Variants in ANKS1A observed in about 807,000 individuals in gnomAD.
ANKS1A encodes ankyrin repeat and sterile alpha motif domain containing 1A, also known as ankyrin repeat and SAM domain-containing protein 1A.
In ANKS1A, 55 loss-of-function variants were observed where a neutral mutation model predicts 120.3. The ratio of observed to expected loss-of-function variants is 0.46; its 90% confidence interval spans 0.37 to 0.57. The LOEUF is 0.57. ANKS1A is among the 20% of genes least tolerant of loss of function. The probability of loss-of-function intolerance (pLI) is 0.00; values close to 1 mark genes in which losing one functional copy is unlikely to be tolerated. For synonymous variants in ANKS1A, 590 were observed against 604.7 expected, an observed-to-expected ratio of 0.98 and a Z score of 0.36; for missense variants, 1,123 against 1,480.3, an observed-to-expected ratio of 0.76 and a Z score of 3.96.
chr6:35,023,067 G>A (rs1774426211), intron 11 of ANKS1A, among the ~76,000 whole-genome samples: 1 of 152,098 alleles, frequency 6.6e-6, no homozygotes. Context: ...GCATTAATAG[G>A]CCAAGGGGTT....
At chr6:35,073,752 G>A (rs536200073) in intron 13 of ANKS1A, among the ~76,000 whole-genome samples, 1 of 152,326 alleles carries the variant, frequency 6.6e-6, no homozygotes, top group East Asian at 1.9e-4. Flanking sequence ...AGCAGATAAA[G>A]TAGAAAATCT....
intron 10 of ANKS1A, among the ~76,000 whole-genome samples, chr6:35,001,006 T>C (rs554790208): frequency 6.6e-6 from 1 of 152,312 alleles, no homozygotes; most frequent in Non-Finnish European, 1.5e-5. Context: ...ACCTGCTCTT[T>C]AACAAAAATT....
chr6:34,909,609 G>A (rs1767811940), intron 1 of ANKS1A, among the ~76,000 whole-genome samples: 1 of 152,222 alleles, frequency 6.6e-6, no homozygotes, highest in Admixed American at 6.5e-5. Flanking sequence ...AAGATCACGT[G>A]CTGGCCAACG....
In ANKS1A at chr6:35,018,071, A is replaced by C; in HGVS notation, c.2010+12A>C. ...CGGAGTGGGATGAGGTAAGGCCGAC[A>C]TGACGTCACAGGGAGCTGGGCTGGC... On this transcript the variant is annotated intron_variant, in intron 11 of 23. Transcript: ENST00000360359. 6.2e-7 allele frequency: 1 copy of C among 1,609,682 alleles called. No homozygotes were observed.
At chr6:34,999,224 T>C (rs1035420688) in intron 10 of ANKS1A, among the ~76,000 whole-genome samples, 2 of 152,200 alleles carry the variant, frequency 1.3e-5, no homozygotes, top group Non-Finnish European at 2.9e-5. Flanking sequence ...CTTGACAGGG[T>C]TGGTCTTGGG....
intron 9 of ANKS1A, among the ~76,000 whole-genome samples, chr6:34,993,527 C>T (rs1423543783): frequency 6.6e-6 from 1 of 152,218 alleles, no homozygotes; most frequent in East Asian, 1.9e-4. Context: ...CCACTTGACT[C>T]TTCAGAGCAG....
chr6:35,004,451 C>A (rs998289752), intron 10 of ANKS1A, among the ~76,000 whole-genome samples: 1 of 151,580 alleles, frequency 6.6e-6, no homozygotes, highest in Non-Finnish European at 1.5e-5. Context: ...AGCAAGACCC[C>A]CATCTCTAAA....
chr6:34,911,209 T>C (rs1280779626), intron 1 of ANKS1A, among the ~76,000 whole-genome samples: 1 of 152,224 alleles, frequency 6.6e-6, no homozygotes, highest in African/African-American at 2.4e-5. Flanking sequence ...AGCAAAGACC[T>C]GTGAACCTCT....
rs368329427 is a variant in ANKS1A at position 35,006,617 on chromosome 6, T to C, written c.1424-10856T>C. 2.0e-5 allele frequency among the ~76,000 whole-genome samples: 3 copies of C among 151,840 alleles called. No homozygotes were observed. The East Asian group carries it at 5.8e-4, about 30-fold the overall frequency. ...AAAATACAAAAAATTTAGCTGGGCATGGTAATGGGCACCTGTAGTCCCAGC... is the reference window on the plus strand; with the variant it reads ...AAAATACAAAAAATTTAGCTGGGCACGGTAATGGGCACCTGTAGTCCCAGC... On this transcript the variant is annotated intron_variant, in intron 10 of 23. Transcript: ENST00000360359.
In ANKS1A at chr6:34,967,755, C is replaced by G. The variant is rs189864494; in HGVS notation, c.278+436C>G. Among the ~76,000 whole-genome samples the G allele has an allele frequency of 7.2e-5, 11 of 152,094 alleles. No homozygotes were observed. In the East Asian group the frequency reaches 1.6e-3, roughly 21 times the overall value. On this transcript the variant is annotated intron_variant, in intron 2 of 23. Transcript: ENST00000360359. ...GGTGGCACTGAGAAACAGAGAAAAA[C>G]AAACGTAAGTTCAGTTCATTCAGCA... is the stretch of plus-strand genomic sequence containing the variant.
intron 1 of ANKS1A, among the ~76,000 whole-genome samples, chr6:34,901,218 G>GTT (rs74555280): frequency 2.1e-5 from 3 of 140,268 alleles, no homozygotes; most frequent in African/African-American, 2.6e-5. Flanking sequence ...TTCCAACTCT[G>GTT]TTTTTTTTTT....
intron 1 of ANKS1A, among the ~76,000 whole-genome samples, chr6:34,947,732 G>A (rs1045934708): frequency 1.3e-5 from 2 of 152,146 alleles, no homozygotes; most frequent in Admixed American, 6.5e-5. Flanking sequence ...GTCAAGTCTC[G>A]TACTCCTCAG....
At chr6:34,895,725 G>T (rs9394253) in intron 1 of ANKS1A, among the ~76,000 whole-genome samples, 12,096 of 150,696 alleles carry the variant, frequency 0.08, 684 homozygotes, top group East Asian at 0.34. Flanking sequence ...CAGTTTTCTG[G>T]GTCTTCCACT....
At chr6:34,898,392 T>C (rs916282796) in intron 1 of ANKS1A, among the ~76,000 whole-genome samples, 43 of 152,072 alleles carry the variant, frequency 2.8e-4, no homozygotes, top group African/African-American at 9.7e-4. Flanking sequence ...GTATATTGAG[T>C]CCCTAGTGGG....
At chr6:34,983,085 C>T in intron 5 of ANKS1A, 28 bp from the exon 6 acceptor site, 1 of 1,603,972 alleles carries the variant, frequency 6.2e-7, no homozygotes, top group Non-Finnish European at 8.5e-7. Context: ...ATGCTCACTC[C>T]CCTGGTCCAC....
chr6:34,965,108 C>T (rs1479575113), intron 1 of ANKS1A, among the ~76,000 whole-genome samples: 1 of 152,140 alleles, frequency 6.6e-6, no homozygotes, highest in Non-Finnish European at 1.5e-5. Flanking sequence ...TTTTCTGTCA[C>T]TTCAGGGAAC....
chr6:34,944,746 A>G (rs1179863781), intron 1 of ANKS1A, among the ~76,000 whole-genome samples: 1 of 152,216 alleles, frequency 6.6e-6, no homozygotes, highest in Non-Finnish European at 1.5e-5. Flanking sequence ...GTTTCGTTGA[A>G]AAAAATCTGC....
chr6:35,018,898 A>G (rs533894551), intron 11 of ANKS1A, among the ~76,000 whole-genome samples: 5 of 152,240 alleles, frequency 3.3e-5, no homozygotes, highest in African/African-American at 1.2e-4. Context: ...AGGCTTTTCT[A>G]TTCCCTGCTT....
chr6:34,938,966 C>CAACGAGGATGAAACTCTGT (rs1769398270), intron 1 of ANKS1A, among the ~76,000 whole-genome samples: 1 of 152,128 alleles, frequency 6.6e-6, no homozygotes, highest in Non-Finnish European at 1.5e-5. Context: ...CCAGCCTGGG[C>CAACGAGGATGAAACTCTGT]GACAGAGCGA....
Sources: allele counts gnomAD v4.1 joint callset (sites outside exome capture counted in the v4.1 genomes callset), GRCh38; gene constraint gnomAD v4.1.1; transcripts MANE v1.5; gene names NCBI Gene and HGNC (gene_info 2026-07-23, HGNC 2026-07-21).